SLIT2: variants seen among roughly 807,000 people sequenced by gnomAD.
SLIT2 encodes slit guidance ligand 2, also known as slit homolog 2 protein.
Under a neutral mutation model 185.7 loss-of-function variants are expected in SLIT2, and 41 were observed. The observed-to-expected ratio is 0.22, with a 90% CI of 0.17 to 0.29. SLIT2 has a LOEUF of 0.29. Ranked by LOEUF, SLIT2 falls within the 10% of genes least tolerant of loss-of-function variation. The pLI is 1.00. For missense variants in SLIT2, 1,571 were observed against 1,909.0 expected (o/e 0.82, Z 3.30); for synonymous variants, 693 against 680.2 (o/e 1.02, Z -0.29).
intron 33 of SLIT2, among the ~76,000 whole-genome samples, chr4:20,609,757 A>G (rs1166521870): frequency 6.6e-6 from 1 of 152,226 alleles, no homozygotes; most frequent in African/African-American, 2.4e-5. Context: ...CTGGATGATG[A>G]TGAAATGTAG....
At chr4:20,381,118 G>A (rs1051213768) in intron 4 of SLIT2, among the ~76,000 whole-genome samples, 1 of 151,964 alleles carries the variant, frequency 6.6e-6, no homozygotes, top group Non-Finnish European at 1.5e-5. Flanking sequence ...GCTGAGAGTG[G>A]TGGTAACGCC....
At chr4:20,553,741 G>GTC in intron 25 of SLIT2, 64 bp from the exon 26 acceptor site, 1 of 1,263,588 alleles carries the variant, frequency 7.9e-7, no homozygotes. Context: ...ATACTTGTGT[G>GTC]TGTGTGTGTG....
intron 4 of SLIT2, among the ~76,000 whole-genome samples, chr4:20,392,018 A>G (rs1004578480): frequency 6.6e-6 from 1 of 152,086 alleles, no homozygotes; most frequent in African/African-American, 2.4e-5. Flanking sequence ...AATTGATAGT[A>G]TGCCAGTTGT....
intron 4 of SLIT2, among the ~76,000 whole-genome samples, chr4:20,450,700 C>T (rs1712376184): frequency 6.6e-6 from 1 of 152,184 alleles, no homozygotes; most frequent in African/African-American, 2.4e-5. Context: ...TTTTAGACAG[C>T]TTTTCTGTGA....
chr4:20,511,587 A>ATTTTTTTTTTTTAT lies in SLIT2; in HGVS notation c.1058+462_1058+463insATTTTTTTTTTTTT, dbSNP rs1553915354. Among the ~76,000 whole-genome samples, 24 of 82,216 alleles carry ATTTTTTTTTTTTAT rather than the reference A, an allele frequency of 2.9e-4. 1 individual carries two copies. The highest frequency in any genetic ancestry group is 9.5e-4 in the African/African-American group (19 of 20,008). 53.9% of individuals were successfully genotyped at this position (82,216 alleles called of 152,430 possible). ...AGGCGCCTGCCACCACATCCAGCTA[A>ATTTTTTTTTTTTAT]TTTTTTTTTTTTTTTTATTTTTGGT... is the stretch of plus-strand genomic sequence containing the variant. On this transcript the variant is annotated intron_variant, in intron 11 of 36. Coordinates refer to ENST00000504154, the MANE Select transcript of SLIT2 (RefSeq NM_004787.4).
chr4:20,309,949 G>A (rs1717937635), intron 4 of SLIT2, among the ~76,000 whole-genome samples: 1 of 151,786 alleles, frequency 6.6e-6, no homozygotes, highest in Non-Finnish European at 1.5e-5. Context: ...TTTTAGTAGA[G>A]ACGGGGCTTC....
intron 26 of SLIT2, among the ~76,000 whole-genome samples, chr4:20,559,352 A>G (rs1321382045): frequency 6.6e-6 from 1 of 152,008 alleles, no homozygotes. Flanking sequence ...ATATAGTTGC[A>G]GTTGCGTTTA....
At chr4:20,538,685 G>C (rs190741270) in intron 18 of SLIT2, among the ~76,000 whole-genome samples, 12 of 138,100 alleles carry the variant, frequency 8.7e-5, no homozygotes, top group Non-Finnish European at 1.2e-4. Context: ...TTTTAAGCCA[G>C]ACAAATAAAT....
intron 4 of SLIT2, among the ~76,000 whole-genome samples, chr4:20,390,464 G>T (rs1466610334): frequency 6.6e-6 from 1 of 152,042 alleles, no homozygotes; most frequent in Non-Finnish European, 1.5e-5. Flanking sequence ...TATAGGCTTT[G>T]ATATTTTCTG....
chr4:20,364,910 G>A (rs971402655), intron 4 of SLIT2, among the ~76,000 whole-genome samples: 6 of 152,004 alleles, frequency 3.9e-5, no homozygotes, highest in Non-Finnish European at 5.9e-5. Flanking sequence ...TTGACTCAAT[G>A]GACTCATGAC....
At chr4:20,381,612 A>G (rs1724519686) in intron 4 of SLIT2, among the ~76,000 whole-genome samples, 1 of 152,166 alleles carries the variant, frequency 6.6e-6, no homozygotes, top group Non-Finnish European at 1.5e-5. Context: ...CCAAAAATAG[A>G]TAGCATGTAG....
chr4:20,543,440 A>G (rs1049127110), intron 21 of SLIT2, among the ~76,000 whole-genome samples: 13 of 152,118 alleles, frequency 8.5e-5, no homozygotes, highest in African/African-American at 3.1e-4. Flanking sequence ...CTAAACTGTC[A>G]TATTCTGGAT....
intron 4 of SLIT2, among the ~76,000 whole-genome samples, chr4:20,321,981 AG>A (rs1282959270): frequency 6.6e-6 from 1 of 151,826 alleles, no homozygotes; most frequent in African/African-American, 2.4e-5. Flanking sequence ...AAGAATCTGG[AG>A]GGGTGGGGTC....
In SLIT2 at chr4:20,254,006, C is replaced by T; in HGVS notation, c.179+12C>T. 6.3e-7 allele frequency: 1 copy of T among 1,597,040 alleles called. No individual in the cohort carries two copies. The highest frequency in any genetic ancestry group is 1.3e-5 in the African/African-American group (1 of 74,898). On this transcript the variant is annotated intron_variant, in intron 1 of 36. Coordinates refer to ENST00000504154, the MANE Select transcript of SLIT2 (RefSeq NM_004787.4). The surrounding 1 kb of genome is among the most constrained non-coding windows in gnomAD (Gnocchi z 5.1). ...AACACCGAGAGACTGTGAGTATGCGCTCTTCGTCTTCCCCTCTCCCCATCC... is the reference window on the plus strand; with the variant it reads ...AACACCGAGAGACTGTGAGTATGCGTTCTTCGTCTTCCCCTCTCCCCATCC...
intron 4 of SLIT2, among the ~76,000 whole-genome samples, chr4:20,341,598 C>T (rs1720967027): frequency 6.6e-6 from 1 of 152,202 alleles, no homozygotes; most frequent in Non-Finnish European, 1.5e-5. Context: ...TGAGTCTGAT[C>T]ATTTGACAGA....
At chr4:20,369,333 C>T (rs1049522924) in intron 4 of SLIT2, among the ~76,000 whole-genome samples, 1 of 151,978 alleles carries the variant, frequency 6.6e-6, no homozygotes, top group South Asian at 2.1e-4. Flanking sequence ...GGCAGAGGTT[C>T]CTTTTCCTCT....
At chr4:20,529,320 T>A (rs542102838) in intron 16 of SLIT2, among the ~76,000 whole-genome samples, 22 of 152,344 alleles carry the variant, frequency 1.4e-4, no homozygotes, top group Admixed American at 5.9e-4. Flanking sequence ...CTAATTTATC[T>A]CTCAAAATTC....
chr4:20,512,487 T>C (rs1445823380), intron 11 of SLIT2, among the ~76,000 whole-genome samples: 1 of 152,184 alleles, frequency 6.6e-6, no homozygotes, highest in Non-Finnish European at 1.5e-5. Context: ...TGGAGGGTTT[T>C]GACTAGAAGA....
chr4:20,455,720 A>G (rs1712997079), intron 4 of SLIT2, among the ~76,000 whole-genome samples: 1 of 152,094 alleles, frequency 6.6e-6, no homozygotes, highest in African/African-American at 2.4e-5. Flanking sequence ...GATTATGGTG[A>G]TGGTTGCACA....
Sources: gnomAD v4.1 joint callset for allele counts (sites outside exome capture counted in the v4.1 genomes callset) on GRCh38, gnomAD v4.1.1 for gene constraint, Gnocchi (gnomAD v3.1) non-coding constraint, MANE v1.5 for transcripts, NCBI Gene and HGNC (gene_info 2026-07-23, HGNC 2026-07-21) for gene names.